The following ZNF638 variants were observed in gnomAD, a reference collection of about 807,000 sequenced individuals.
ZNF638 encodes the protein CTCL tumor antigen se33-1.
Under a neutral mutation model 195.6 loss-of-function variants are expected in ZNF638, and 46 were observed. The observed-to-expected ratio is 0.24, with a 90% confidence interval of 0.19 to 0.30. The LOEUF is 0.30. Ranked by LOEUF, ZNF638 falls within the 10% of genes least tolerant of loss-of-function variation. The probability of loss-of-function intolerance (pLI) is 1.00; values close to 1 mark genes in which losing one functional copy is unlikely to be tolerated. For synonymous variants in ZNF638, 845 were observed against 772.0 expected (o/e 1.09, Z -1.57); for missense variants, 2,440 against 2,325.3 (o/e 1.05, Z -1.01).
At chr2:71,393,200 C>T (rs2079820016) in intron 10 of ZNF638, among the ~76,000 whole-genome samples, 4 of 152,178 alleles carry the variant, frequency 2.6e-5, no homozygotes, top group Admixed American at 2.6e-4. Context: ...ACTACTAGCA[C>T]AAGTGTTATT....
chr2:71,402,332 TA>T (rs1223340811), intron 16 of ZNF638, among the ~76,000 whole-genome samples: 1 of 152,136 alleles, frequency 6.6e-6, no homozygotes, highest in Non-Finnish European at 1.5e-5. Context: ...AATTTTAGTT[TA>T]ATAGGAAACG....
chr2:71,401,865 A>G lies in ZNF638; in HGVS notation c.2698-91A>G, dbSNP rs552725541. 2.1e-4 allele frequency: 232 copies of G among 1,130,942 alleles called. No individual in the cohort carries two copies. In the African/African-American group the frequency reaches 3.3e-3, roughly 16 times the overall value. The allele number at this position is 1,130,942 out of a possible 1,614,324, so 70.1% of individuals were successfully genotyped here. A position where few individuals can be genotyped will look rare whatever the true frequency, so the allele number is the denominator to read the frequency against. On this transcript the variant is annotated intron_variant, in intron 15 of 27. Transcript: ENST00000264447. The stretch of plus-strand genomic sequence containing the variant: ...ACTTTCCTCAGTATTAAATGCAACA[A>G]TATACTAATATAACATGATACACAG...
At chr2:71,379,275 A>G (rs1003399892) in intron 8 of ZNF638, among the ~76,000 whole-genome samples, 1 of 152,222 alleles carries the variant, frequency 6.6e-6, no homozygotes, top group Admixed American at 6.5e-5. Flanking sequence ...TTCAGTGGTC[A>G]GTTGTGGTTT....
At position 71,428,765 on chromosome 2, in the gene ZNF638, G is replaced by T. The variant is rs1373734191; in HGVS notation, c.5650+114G>T. On this transcript the variant is annotated intron_variant, in intron 25 of 27. Transcript: ENST00000264447. ...AAAATCAGTGGAATAGAGCAGGGGT[G>T]GGAAAAGTCAACTATAGTTATTAGA... 15 of 833,480 alleles carry T rather than the reference G, an allele frequency of 1.8e-5. No homozygotes were observed. The East Asian group carries it at 3.9e-4, about 21-fold the overall frequency. The allele number at this position is 833,480 out of a possible 1,614,324, so 51.6% of individuals were successfully genotyped here.
At position 71,365,623 on chromosome 2, in the gene ZNF638, C is replaced by T. The variant is rs773922302; in HGVS notation, c.1912C>T (p.Arg638Cys). The T allele has an allele frequency of 2.5e-6, 4 of 1,614,074 alleles. No individual in the cohort carries two copies. Among genetic ancestry groups the T allele is most frequent in the Non-Finnish European group, 3.4e-6 (4 of 1,179,970 alleles). The part of the protein sequence containing the change: ...SDSNLGGHSI[R>C]CKSKNLEDDT... ...TTCAAATCTAGGAGGACATTCTATT[C>T]GTTGTAAATCAAAGAATCTTGAAGA... Residue 638 changes from arginine (R) to cysteine (C), a missense_variant, in exon 6 of 28, where the codon CGT becomes TGT. By Grantham distance (180) the Arg-to-Cys change is radical. Coordinates refer to ENST00000264447, the MANE Select transcript of ZNF638 (RefSeq NM_014497.5).
intron 21 of ZNF638, among the ~76,000 whole-genome samples, chr2:71,422,001 A>G (rs2080443176): frequency 6.6e-6 from 1 of 152,208 alleles, no homozygotes; most frequent in South Asian, 2.1e-4. Context: ...GATGAATTAC[A>G]TATACTTAGC....
In ZNF638 at chr2:71,409,629, A is replaced by G. The variant is rs192286079; in HGVS notation, c.3261+1382A>G. Among the ~76,000 whole-genome samples the G allele has an allele frequency of 1.4e-3, 215 of 152,294 alleles. 2 individuals are homozygous for G. Among genetic ancestry groups the G allele is most frequent in the African/African-American group, 4.7e-3 (194 of 41,566 alleles). ...CATTTTCATTTTCATAAGTAGGTAG[A>G]TTATGGTTTTCTTGTATGGTTTAGG... On this transcript the variant is annotated intron_variant, in intron 20 of 27. Transcript: ENST00000264447.
At position 71,380,036 on chromosome 2, in the gene ZNF638, A is replaced by G. The variant is rs2079508125; in HGVS notation, c.2266-186A>G. The G allele has an allele frequency of 7.1e-6, 3 of 419,804 alleles. No homozygotes were observed. The South Asian group carries it at 1.4e-4, about 19-fold the overall frequency. 26.0% of individuals were successfully genotyped at this position (419,804 alleles called of 1,614,324 possible). On this transcript the variant is annotated intron_variant, in intron 8 of 27. Coordinates refer to ENST00000264447, the MANE Select transcript of ZNF638 (RefSeq NM_014497.5). ...TGTAGTTAATGATAAGAAAATGCAG[A>G]TGAGTTGTGAAAGATGAGATGTAAA... is the stretch of plus-strand genomic sequence containing the variant.
chr2:71,404,204 T>C (rs1573128712), intron 17 of ZNF638, among the ~76,000 whole-genome samples: 1 of 152,238 alleles, frequency 6.6e-6, no homozygotes, highest in East Asian at 1.9e-4. Flanking sequence ...CTATTCTTCA[T>C]GTATGTTGGG....
chr2:71,397,622 A>G (rs1216790929), intron 11 of ZNF638, among the ~76,000 whole-genome samples: 12 of 152,208 alleles, frequency 7.9e-5, no homozygotes, highest in Admixed American at 7.9e-4. Context: ...AAAGCTTCTC[A>G]ATAAAAATTG....
In ZNF638 at chr2:71,399,630, C is replaced by G. The variant is rs147260381; in HGVS notation, c.2572C>G (p.Pro858Ala). The change falls in exon 13 of 28, where the codon CCT (proline) becomes GCT (alanine). Residue 858 changes from proline (P) to alanine (A), a missense_variant. Physicochemically the swap from Pro to Ala is conservative, Grantham distance 27. This residue lies in a region of ZNF638 where 1,883 missense variants were observed against 1,739.1 expected (regional missense o/e 1.08). Transcript: ENST00000264447. ...TGTCAAAAACAAAGACTCTAACAAA[C>G]CTGTGACTATACCAGGTAAGCTTGA... is the stretch of plus-strand genomic sequence containing the variant. ...GNVKNKDSNK[P>A]VTIPENSEIK... The G allele has an allele frequency of 1.2e-6, 2 of 1,611,626 alleles. No individual in the cohort carries two copies. The highest frequency in any genetic ancestry group is 2.7e-5 in the African/African-American group (2 of 74,708).
intron 16 of ZNF638, among the ~76,000 whole-genome samples, chr2:71,402,823 C>G (rs182843618): frequency 6.6e-6 from 1 of 152,004 alleles, no homozygotes; most frequent in African/African-American, 2.4e-5. Context: ...AGTGTTCTTA[C>G]GTTAGAGAGG....
At chr2:71,365,321 C>G (rs1259680538) in intron 5 of ZNF638, 108 bp from the exon 6 acceptor site, 2 of 878,762 alleles carry the variant, frequency 2.3e-6, no homozygotes, top group African/African-American at 1.7e-5. Flanking sequence ...TTTGTATTGT[C>G]TGTGTGCTCC....
At chr2:71,390,959 TAATG>T (rs1264690112) in intron 10 of ZNF638, among the ~76,000 whole-genome samples, 1 of 152,234 alleles carries the variant, frequency 6.6e-6, no homozygotes, top group Non-Finnish European at 1.5e-5. Flanking sequence ...CCCTTTCTAA[TAATG>T]GCCACTGTTG....
At chr2:71,367,886 G>C (rs753109044) in intron 6 of ZNF638, among the ~76,000 whole-genome samples, 1 of 152,090 alleles carries the variant, frequency 6.6e-6, no homozygotes, top group Admixed American at 6.5e-5. Context: ...TTTAACGTAA[G>C]CGGTAAAGTT....
chr2:71,408,202 C>T lies in ZNF638; in HGVS notation c.3216C>T (p.Asp1072=). Residue 1072 remains aspartate (D), a synonymous_variant, in exon 20 of 28, where the codon GAC becomes GAT. Transcript: ENST00000264447. ...AACAAAATCCACAAAATATTGGTGACCATATGTTGACCTGCTCATTATCTC... is the reference window on the plus strand; with the variant it reads ...AACAAAATCCACAAAATATTGGTGATCATATGTTGACCTGCTCATTATCTC... ...FLKQNPQNIG[D]HMLTCSLSPK... is the part of the protein sequence containing the mutation. The T allele has an allele frequency of 1.2e-6, 2 of 1,613,212 alleles. No homozygotes were observed. Among genetic ancestry groups the T allele is most frequent in the Non-Finnish European group, 1.7e-6 (2 of 1,179,540 alleles).
At chr2:71,431,488 G>T (rs542065594) in intron 26 of ZNF638, 60 bp downstream of exon 26, 2 of 1,474,036 alleles carry the variant, frequency 1.4e-6, no homozygotes, top group Non-Finnish European at 1.9e-6. Context: ...GGCCGGGCGC[G>T]GTGGCTCAAG....
intron 22 of ZNF638, among the ~76,000 whole-genome samples, chr2:71,424,291 T>TAAAAAAAAA (rs76683427): frequency 7.2e-6 from 1 of 137,998 alleles, no homozygotes. Context: ...AACTGTGGTT[T>TAAAAAAAAA]AAAAAAAAAA....
chr2:71,370,772 A>G (rs2079295647), intron 8 of ZNF638, among the ~76,000 whole-genome samples: 1 of 152,196 alleles, frequency 6.6e-6, no homozygotes, highest in Admixed American at 6.5e-5. Flanking sequence ...AGTGTGTAAT[A>G]ATCACATTAT....
Sources: allele counts gnomAD v4.1 joint callset (sites outside exome capture counted in the v4.1 genomes callset), GRCh38; gene constraint gnomAD v4.1.1; regional missense constraint gnomAD v4.1.1; transcripts MANE v1.5; gene names NCBI Gene and HGNC (gene_info 2026-07-23, HGNC 2026-07-21).